Variants in CENPK observed in about 807,000 individuals in gnomAD.
CENPK encodes the protein SoxLZ/Sox6-binding protein Solt.
CENPK carries 46 observed loss-of-function variants against 40.9 expected under a neutral mutation model. The ratio of observed to expected loss-of-function variants is 1.13; its 90% confidence interval spans 0.89 to 1.44. The LOEUF (loss-of-function observed/expected upper bound fraction) is 1.44. Ranked by LOEUF, CENPK falls within the 40% of genes most tolerant of loss-of-function variation. The pLI, the probability that CENPK is intolerant of heterozygous loss-of-function variation, is 0.00. For missense variants in CENPK, 288 were observed against 303.5 expected, an observed-to-expected ratio of 0.95 and a Z score of 0.38; for synonymous variants, 107 against 104.4, an observed-to-expected ratio of 1.02 and a Z score of -0.15.
At chr5:65,562,535 G>A (rs1344004174) in intron 1 of CENPK, among the ~76,000 whole-genome samples, 3 of 152,102 alleles carry the variant, frequency 2.0e-5, no homozygotes, top group Non-Finnish European at 2.9e-5. Context: ...AAAAAGAAGT[G>A]TTTTACGGAG....
At chr5:65,560,330 A>C (rs1456044025) in intron 2 of CENPK, among the ~76,000 whole-genome samples, 2 of 152,252 alleles carry the variant, frequency 1.3e-5, no homozygotes, top group East Asian at 3.9e-4. Context: ...AAATTTAAAA[A>C]AGATTACCAA....
intron 5 of CENPK, among the ~76,000 whole-genome samples, 168 bp downstream of exon 5, chr5:65,551,396 T>C (rs565465715): frequency 2.0e-5 from 3 of 151,750 alleles, no homozygotes; most frequent in Admixed American, 2.0e-4. Context: ...TCAATAATAA[T>C]AAAAGAAGTA....
intron 6 of CENPK, among the ~76,000 whole-genome samples, chr5:65,535,617 T>G (rs531534272): frequency 1.2e-4 from 18 of 152,172 alleles, no homozygotes; most frequent in Non-Finnish European, 2.4e-4. Flanking sequence ...ACGTCACACA[T>G]AGTTGCAGGG....
At chr5:65,546,556 C>T (rs1173360680) in intron 5 of CENPK, among the ~76,000 whole-genome samples, 2 of 152,004 alleles carry the variant, frequency 1.3e-5, no homozygotes, top group Non-Finnish European at 1.5e-5. Flanking sequence ...TTGATGTGTC[C>T]CCACCCCCAA....
intron 6 of CENPK, among the ~76,000 whole-genome samples, chr5:65,532,910 CAAAAAA>C (rs60713724): frequency 7.0e-4 from 26 of 37,014 alleles, no homozygotes; most frequent in South Asian, 6.0e-3. Context: ...ACTCCATCTC[CAAAAAA>C]AAAAAAAAAA....
At chr5:65,555,868 A>G (rs1471957201) in intron 2 of CENPK, among the ~76,000 whole-genome samples, 1 of 152,244 alleles carries the variant, frequency 6.6e-6, no homozygotes, top group Non-Finnish European at 1.5e-5. Context: ...TGAGGTGTCA[A>G]TTATTGGAGC....
At chr5:65,547,810 G>A (rs1436685324) in intron 5 of CENPK, among the ~76,000 whole-genome samples, 3 of 151,940 alleles carry the variant, frequency 2.0e-5, no homozygotes, top group Admixed American at 1.3e-4. Flanking sequence ...GACTGCAGGC[G>A]CCCACCACAA....
intron 2 of CENPK, among the ~76,000 whole-genome samples, chr5:65,559,358 G>C (rs913478356): frequency 6.6e-6 from 1 of 152,064 alleles, no homozygotes; most frequent in African/African-American, 2.4e-5. Context: ...GGCCGGGCGC[G>C]GTGGCTCACG....
At chr5:65,532,910 C>CAAAAAA (rs60713724) in intron 6 of CENPK, among the ~76,000 whole-genome samples, 553 of 36,988 alleles carry the variant, frequency 0.015, 91 homozygotes, top group East Asian at 0.028. Context: ...ACTCCATCTC[C>CAAAAAA]AAAAAAAAAA....
the CENPK span, among the ~76,000 whole-genome samples, chr5:65,502,809 T>C: frequency 6.6e-6 from 1 of 151,708 alleles, no homozygotes; most frequent in Non-Finnish European, 1.5e-5. Flanking sequence ...TATTTATTTA[T>C]TTATTTATTA....
chr5:65,558,843 T>C (rs927578421), intron 2 of CENPK, among the ~76,000 whole-genome samples: 1 of 152,200 alleles, frequency 6.6e-6, no homozygotes, highest in Non-Finnish European at 1.5e-5. Context: ...GGCCAAGTTA[T>C]TGGATCATCT....
intron 5 of CENPK, chr5:65,550,640 C>T (rs1207288038): frequency 6.6e-6 from 1 of 152,184 alleles, no homozygotes. Flanking sequence ...AAATGTGACA[C>T]AGGCTCGCCA....
At chr5:65,529,319 C>G (rs750342727) in intron 6 of CENPK, 120 bp from the exon 7 acceptor site, 69 of 648,720 alleles carry the variant, frequency 1.1e-4, no homozygotes, top group Non-Finnish European at 1.7e-4. Context: ...AGTGAAAAAG[C>G]CTAGCAGAAA....
intron 6 of CENPK, among the ~76,000 whole-genome samples, chr5:65,536,243 A>T (rs749425621): frequency 6.6e-6 from 1 of 152,074 alleles, no homozygotes; most frequent in East Asian, 1.9e-4. Flanking sequence ...AAAGGGAAAA[A>T]TTTTGCTGGA....
chr5:65,547,697 C>T (rs1173407730), intron 5 of CENPK, among the ~76,000 whole-genome samples: 1 of 151,880 alleles, frequency 6.6e-6, no homozygotes, highest in East Asian at 1.9e-4. Context: ...TGGAGTCTCG[C>T]CCTGTTGCCC....
chr5:65,517,740 T>C (rs1236883762), downstream of CENPK: 1 of 152,182 alleles, frequency 6.6e-6, no homozygotes, highest in East Asian at 1.9e-4. Context: ...TTGCTACTTA[T>C]AAAAATATCC....
chr5:65,561,692 A>T (rs1285123563), intron 1 of CENPK, 128 bp from the exon 2 acceptor site: 3 of 243,180 alleles, frequency 1.2e-5, no homozygotes, highest in Non-Finnish European at 2.6e-5. Context: ...GAACAAGTCA[A>T]CTTTTTGAGG....
chr5:65,524,384 CA>C (rs796373183), intron 9 of CENPK, among the ~76,000 whole-genome samples: 3 of 134,464 alleles, frequency 2.2e-5, no homozygotes, highest in Non-Finnish European at 4.8e-5. Flanking sequence ...GACTCCAACT[CA>C]AAAAAAAAAC....
chr5:65,537,169 A>G (rs958140385), intron 6 of CENPK, among the ~76,000 whole-genome samples: 2 of 152,250 alleles, frequency 1.3e-5, no homozygotes, highest in Non-Finnish European at 2.9e-5. Context: ...AGGAAACATT[A>G]ATACAGACAA....
Sources: gnomAD v4.1 joint callset for allele counts (sites outside exome capture counted in the v4.1 genomes callset) on GRCh38, gnomAD v4.1.1 for gene constraint, MANE v1.5 for transcripts, NCBI Gene and HGNC (gene_info 2026-07-23, HGNC 2026-07-21) for gene names.